The following SEC16A variants were observed in gnomAD, a reference collection of about 807,000 sequenced individuals.
SEC16A encodes protein transport protein Sec16A.
SEC16A carries 110 observed loss-of-function variants against 221.9 expected under a neutral mutation model. The ratio of observed to expected loss-of-function variants is 0.50; its 90% CI spans 0.42 to 0.58. The LOEUF is 0.58. SEC16A is among the 20% of genes least tolerant of loss of function. SEC16A has a pLI of 0.00. For missense variants in SEC16A, 3,165 were observed against 3,097.8 expected (o/e 1.02, Z -0.52); for synonymous variants, 1,393 against 1,257.7 (o/e 1.11, Z -2.28).
chr9:136,453,781 T>G (rs1179550464), intron 21 of SEC16A, among the ~76,000 whole-genome samples: 1 of 152,248 alleles, frequency 6.6e-6, no homozygotes, highest in Non-Finnish European at 1.5e-5. Flanking sequence ...AGACAGTTCA[T>G]GACCTGCCCC....
chr9:136,484,393 GC>G, upstream of SEC16A: 1 of 1,193,650 alleles, frequency 8.4e-7, no homozygotes. Context: ...TATCCTCTGT[GC>G]CCTCATTTTT....
In SEC16A at chr9:136,449,887, T is replaced by C. The variant is rs567991739; in HGVS notation, c.6312+1369A>G. Among the ~76,000 whole-genome samples, 11 of 152,248 alleles carry C rather than the reference T, an allele frequency of 7.2e-5. No individual in the cohort carries two copies. In the South Asian group the frequency reaches 2.3e-3, roughly 32 times the overall value. On this transcript the variant is annotated intron_variant, in intron 23 of 31. Coordinates refer to ENST00000684901, the MANE Select transcript of SEC16A (RefSeq NM_014866.2). ...ATCTGATCACTGAACTTTATTAAAATGAAGAATGATATTTTTCATAAAATA... is the reference window on the plus strand; with the variant it reads ...ATCTGATCACTGAACTTTATTAAAACGAAGAATGATATTTTTCATAAAATA...
chr9:136,446,908 C>T lies in SEC16A; in HGVS notation c.6739G>A (p.Gly2247Arg), dbSNP rs745358501. ...GCCAGGCCCCTAGCTGCTGCAGGCCCTTCCCTGCCAGTCCCGTCTGGAAGC... is the reference window on the plus strand; with the variant it reads ...GCCAGGCCCCTAGCTGCTGCAGGCCTTTCCCTGCCAGTCCCGTCTGGAAGC... Reference protein sequence around the residue: ...PQLPDGTGREGPAAARGLANP... With the variant: ...PQLPDGTGRERPAAARGLANP... The change falls in exon 28 of 32, where the codon GGG (glycine) becomes AGG (arginine). Residue 2247 changes from glycine to arginine, a missense_variant. Gly to Arg is a moderately radical substitution (Grantham distance 125, BLOSUM62 -2). Transcript: ENST00000684901. 32 of 1,613,378 alleles carry T rather than the reference C, an allele frequency of 2.0e-5. No individual in the cohort carries two copies. The highest frequency in any genetic ancestry group is 2.7e-5 in the Non-Finnish European group (32 of 1,179,844).
intron 5 of SEC16A, among the ~76,000 whole-genome samples, 190 bp downstream of exon 5, chr9:136,468,225 A>C (rs901366882): frequency 1.3e-5 from 2 of 152,256 alleles, no homozygotes; most frequent in Non-Finnish European, 2.9e-5. Flanking sequence ...GAAAAATATC[A>C]ATATAATTAT....
At position 136,459,907 on chromosome 9, in the gene SEC16A, C is replaced by A. The variant is rs751864466; in HGVS notation, c.5074-33G>T. On this transcript the variant is annotated intron_variant, in intron 14 of 31. Transcript: ENST00000684901. This position sits in a 1 kb window ranked among gnomAD's most constrained non-coding sequence, Gnocchi z 6.1. ...GAGGAAAAACAAAACGAAGCCTCAT[C>A]CCCGGAAGCCAGCGCCATTTCAATT... is the stretch of plus-strand genomic sequence containing the variant. 1.3e-6 allele frequency: 2 copies of A among 1,585,458 alleles called. No individual in the cohort carries two copies. Among genetic ancestry groups the A allele is most frequent in the Non-Finnish European group, 1.7e-6 (2 of 1,161,058 alleles).
intron 21 of SEC16A, 115 bp downstream of exon 21, chr9:136,453,994 G>T: frequency 1.0e-6 from 1 of 1,000,706 alleles, no homozygotes; most frequent in Non-Finnish European, 1.5e-6. Context: ...TCTACGTTAA[G>T]ACAAGTAATG....
In SEC16A at chr9:136,462,902, C is replaced by G. The variant is rs1171660716; in HGVS notation, c.4878G>C (p.Leu1626=). 2.0e-5 allele frequency: 32 copies of G among 1,601,234 alleles called. No homozygotes were observed. The highest frequency in any genetic ancestry group is 2.7e-5 in the Non-Finnish European group (32 of 1,179,788). Residue 1626 remains leucine (L), a synonymous_variant, in exon 12 of 32, where the codon CTG becomes CTC. Coordinates refer to ENST00000684901, the MANE Select transcript of SEC16A (RefSeq NM_014866.2). Reference sequence around the variant, plus strand: ...GGAGGCGCACCTTCTTACGGCCATACAGCAACAGCTCCCTGAACCTCTCGG... The same window carrying G: ...GGAGGCGCACCTTCTTACGGCCATAGAGCAACAGCTCCCTGAACCTCTCGG... The part of the protein sequence containing the change: ...RETERFRELL[L]YGRKKDALES...
Position 136,459,961 on chromosome 9 carries a change from A to G in SEC16A, c.5073+81T>C. 6.5e-7 allele frequency: 1 copy of G among 1,532,380 alleles called. No homozygotes were observed. 94.9% of individuals were successfully genotyped at this position (1,532,380 alleles called of 1,614,324 possible). On this transcript the variant is annotated intron_variant, in intron 14 of 31. Transcript: ENST00000684901. This position sits in a 1 kb window ranked among gnomAD's most constrained non-coding sequence, Gnocchi z 6.1. Reference sequence around the variant, plus strand: ...CACAGCTGGGCTCACCAGGCACCTCACGGCCTGTGACAGCGTCACCCACGA... The same window carrying G: ...CACAGCTGGGCTCACCAGGCACCTCGCGGCCTGTGACAGCGTCACCCACGA...
chr9:136,481,829 G>C (rs1443398025), intron 1 of SEC16A, among the ~76,000 whole-genome samples: 1 of 152,138 alleles, frequency 6.6e-6, no homozygotes, highest in Non-Finnish European at 1.5e-5. Context: ...ACCACATACA[G>C]TTAGATGTTG....
chr9:136,472,869 G>A (rs1049007621), intron 3 of SEC16A, among the ~76,000 whole-genome samples: 1 of 152,236 alleles, frequency 6.6e-6, no homozygotes, highest in Non-Finnish European at 1.5e-5. Flanking sequence ...CAAGAGGCAC[G>A]GCGGGAGGAG....
chr9:136,447,893 T>G lies in SEC16A; in HGVS notation c.6407A>C (p.Lys2136Thr). 2 of 1,609,248 alleles carry G rather than the reference T, an allele frequency of 1.2e-6. No homozygotes were observed. Among genetic ancestry groups the G allele is most frequent in the Non-Finnish European group, 1.7e-6 (2 of 1,177,436 alleles). The change falls in exon 25 of 32, where the codon AAG becomes ACG. Residue 2136 changes from lysine to threonine, a missense_variant. Physicochemically the swap from Lys to Thr is moderately conservative, Grantham distance 78 (BLOSUM62 -1). Coordinates refer to ENST00000684901, the MANE Select transcript of SEC16A (RefSeq NM_014866.2). The surrounding 1 kb of genome is among the most constrained non-coding windows in gnomAD (Gnocchi z 5.5). Reference protein sequence around the residue: ...DKNKSIVWDEKKNQWVNLNEP... With the variant: ...DKNKSIVWDETKNQWVNLNEP... Reference sequence around the variant, plus strand: ...ATTTAAATTCACCCACTGGTTTTTCTTTTCATCCCAAACAATCTGCCAAGA... The same window carrying G: ...ATTTAAATTCACCCACTGGTTTTTCGTTTCATCCCAAACAATCTGCCAAGA...
chr9:136,468,520 A>C lies in SEC16A; in HGVS notation c.3705-8T>G. On this transcript the variant is annotated splice_polypyrimidine_tract_variant and splice_region_variant and intron_variant, in intron 4 of 31. Coordinates refer to ENST00000684901, the MANE Select transcript of SEC16A (RefSeq NM_014866.2). ...CCTTCAGGATATCCTTGCCTGAAAA[A>C]ACACACAGTGCTGTTAAAACACAAA... The C allele has an allele frequency of 6.4e-7, 1 of 1,564,080 alleles. No individual in the cohort carries two copies. Among genetic ancestry groups the C allele is most frequent in the South Asian group, 1.1e-5 (1 of 89,840 alleles).
At chr9:136,462,783 G>A (rs779880373) in intron 12 of SEC16A, 104 bp downstream of exon 12, 11 of 1,333,414 alleles carry the variant, frequency 8.2e-6, no homozygotes, top group Non-Finnish European at 1.1e-5. Flanking sequence ...CAGCGCGGAT[G>A]CTCCCAAGAG....
At chr9:136,481,186 G>C (rs1306925519) in intron 1 of SEC16A, among the ~76,000 whole-genome samples, 3 of 138,746 alleles carry the variant, frequency 2.2e-5, no homozygotes, top group African/African-American at 8.2e-5. Flanking sequence ...CCAGGCTGGA[G>C]TGCAGTGGCG....
rs910999484 is a variant in SEC16A at position 136,455,125 on chromosome 9, C to T, written c.5857+476G>A. 5.3e-5 allele frequency among the ~76,000 whole-genome samples: 8 copies of T among 152,120 alleles called. No homozygotes were observed. The South Asian group carries it at 1.0e-3, about 20-fold the overall frequency. ...GGCATGCGGACCTGCGTGCAGGCCG[C>T]GCTGGTGAGGTTCACTGACGAAGGA... is the stretch of plus-strand genomic sequence containing the variant. On this transcript the variant is annotated intron_variant, in intron 20 of 31. Transcript: ENST00000684901.
Position 136,465,528 on chromosome 9 carries a change from T to C in SEC16A, c.4303+434A>G, listed in dbSNP as rs1295280794. Among the ~76,000 whole-genome samples, 4 of 152,258 alleles carry C rather than the reference T, an allele frequency of 2.6e-5. 1 individual carries two copies. Among genetic ancestry groups the C allele is most frequent in the Admixed American group, 2.0e-4 (3 of 15,288 alleles). On this transcript the variant is annotated intron_variant, in intron 8 of 31. Transcript: ENST00000684901. The stretch of plus-strand genomic sequence containing the variant: ...GTAACTTTATATCTTTACGTATATT[T>C]CTGCAATTTGCCAAGAAAAAGCATT...
chr9:136,470,876 T>A (rs954987167), intron 4 of SEC16A, among the ~76,000 whole-genome samples: 2 of 152,234 alleles, frequency 1.3e-5, no homozygotes, highest in African/African-American at 4.8e-5. Context: ...GAAGGCTCTA[T>A]CTGTGAGACA....
chr9:136,478,094 G>A (rs1300010486), intron 2 of SEC16A, among the ~76,000 whole-genome samples: 1 of 152,214 alleles, frequency 6.6e-6, no homozygotes, highest in Non-Finnish European at 1.5e-5. Flanking sequence ...TCCAGGAAGA[G>A]CCAACTCTTC....
At position 136,474,851 on chromosome 9, in the gene SEC16A, G is replaced by A. The variant is rs1197301533; in HGVS notation, c.2765C>T (p.Ala922Val). 1 of 1,613,968 alleles carries A rather than the reference G, an allele frequency of 6.2e-7. No individual in the cohort carries two copies. Residue 922 changes from alanine (A) to valine (V), a missense_variant, in exon 3 of 32, where the codon GCT (alanine) becomes GTT (valine). This residue lies in a region of SEC16A where 2,030 missense variants were observed against 1,923.1 expected (regional missense o/e 1.06). Transcript: ENST00000684901. ...GASEMVSNQP[A>V]NLLVQPPSQP... The stretch of plus-strand genomic sequence containing the variant: ...GGATGGTGGTTGAACCAGCAAATTA[G>A]CAGGCTGATTAGAAACCATTTCGGA...
Sources: gnomAD v4.1 joint callset for allele counts (sites outside exome capture counted in the v4.1 genomes callset) on GRCh38, gnomAD v4.1.1 for gene constraint, gnomAD v4.1.1 regional missense constraint, Gnocchi (gnomAD v3.1) non-coding constraint, MANE v1.5 for transcripts, NCBI Gene and HGNC (gene_info 2026-07-23, HGNC 2026-07-21) for gene names.